Variants in DNAH14 observed in about 807,000 individuals in gnomAD.
DNAH14 encodes the protein dynein axonemal heavy chain 14.
A neutral mutation model predicts 520.9 loss-of-function variants in DNAH14; 478 were observed. The observed-to-expected ratio is 0.92, with a 90% confidence interval of 0.85 to 0.99. DNAH14 has a LOEUF of 0.99. DNAH14 is among the 50% of genes least tolerant of loss of function. DNAH14 has a pLI of 0.00. For synonymous variants in DNAH14, 1,581 were observed against 1,757.2 expected, an observed-to-expected ratio of 0.90 and a Z score of 2.51; for missense variants, 4,831 against 5,234.5, an observed-to-expected ratio of 0.92 and a Z score of 2.38.
At chr1:225,156,706 A>ATTTTTTTTT (rs1553483258) in intron 34 of DNAH14, among the ~76,000 whole-genome samples, 1 of 106,768 alleles carries the variant, frequency 9.4e-6, no homozygotes. Context: ...TCCTCTTAAA[A>ATTTTTTTTT]TTCTTTTTTT....
At chr1:225,338,379 C>T (rs1442766785) in intron 68 of DNAH14, 197 bp downstream of exon 68, 1 of 733,768 alleles carries the variant, frequency 1.4e-6, no homozygotes, top group Non-Finnish European at 2.4e-6. Flanking sequence ...TATCAAGTCA[C>T]TCCAAACCAA....
chr1:224,984,944 CAATCAAAA>C (rs2062527417), intron 8 of DNAH14, among the ~76,000 whole-genome samples: 2 of 152,008 alleles, frequency 1.3e-5, no homozygotes, highest in Admixed American at 6.6e-5. Flanking sequence ...AGAATGCCCA[CAATCAAAA>C]AATCAAAAAA....
intron 17 of DNAH14, among the ~76,000 whole-genome samples, chr1:225,074,190 G>A (rs1450463658): frequency 2.0e-5 from 3 of 151,334 alleles, no homozygotes; most frequent in East Asian, 3.9e-4. Context: ...TAGTAGAGAC[G>A]GGGTTTCACC....
intron 60 of DNAH14, among the ~76,000 whole-genome samples, chr1:225,308,998 C>A (rs2094304356): frequency 6.6e-6 from 1 of 152,176 alleles, no homozygotes; most frequent in Non-Finnish European, 1.5e-5. Flanking sequence ...CATATGTAAA[C>A]CTATACTCTA....
intron 36 of DNAH14, among the ~76,000 whole-genome samples, chr1:225,174,435 A>G (rs2083089024): frequency 6.6e-6 from 1 of 152,172 alleles, no homozygotes; most frequent in Admixed American, 6.5e-5. Context: ...TTTTGTAACT[A>G]TTATAAATGG....
At chr1:225,388,580 G>T in intron 82 of DNAH14, 89 bp downstream of exon 82, 1 of 721,802 alleles carries the variant, frequency 1.4e-6, no homozygotes, top group Non-Finnish European at 2.3e-6. Context: ...TGGTCTCCTT[G>T]GGTTCTCACA....
At chr1:225,068,079 G>C (rs2071109206) in intron 17 of DNAH14, among the ~76,000 whole-genome samples, 1 of 151,904 alleles carries the variant, frequency 6.6e-6, no homozygotes, top group Non-Finnish European at 1.5e-5. Flanking sequence ...TTATAGTTTG[G>C]GGTTTTACAT....
intron 81 of DNAH14, among the ~76,000 whole-genome samples, chr1:225,385,084 C>A (rs187583210): frequency 5.5e-4 from 83 of 152,258 alleles, no homozygotes; most frequent in Non-Finnish European, 8.5e-4. Context: ...ATACACAAAT[C>A]AATAAACGTA....
At chr1:225,148,724 T>C (rs2080197321) in intron 31 of DNAH14, among the ~76,000 whole-genome samples, 1 of 152,188 alleles carries the variant, frequency 6.6e-6, no homozygotes, top group Non-Finnish European at 1.5e-5. Context: ...TGTATGCTTG[T>C]TGCCTGCATA....
chr1:225,078,870 C>CCG (rs2072738091), intron 17 of DNAH14, among the ~76,000 whole-genome samples: 1 of 100,990 alleles, frequency 9.9e-6, no homozygotes, highest in Non-Finnish European at 1.8e-5. Flanking sequence ...CTCTCTCTCT[C>CCG]TCTCTCTCTC....
chr1:225,256,248 A>G (rs2092728622), intron 44 of DNAH14, among the ~76,000 whole-genome samples: 1 of 152,198 alleles, frequency 6.6e-6, no homozygotes, highest in Admixed American at 6.5e-5. Context: ...GTTACAAGGT[A>G]AATAATAAAA....
At chr1:225,235,969 T>G (rs1387149557) in intron 42 of DNAH14, among the ~76,000 whole-genome samples, 1 of 152,154 alleles carries the variant, frequency 6.6e-6, no homozygotes, top group African/African-American at 2.4e-5. Flanking sequence ...TTTTATTAAT[T>G]TTTTTCAAAA....
At chr1:225,337,745 A>G (rs1025373124) in intron 67 of DNAH14, among the ~76,000 whole-genome samples, 1 of 152,182 alleles carries the variant, frequency 6.6e-6, no homozygotes, top group Admixed American at 6.5e-5. Flanking sequence ...GTGGGTACAT[A>G]GTAGGTGTAT....
intron 54 of DNAH14, among the ~76,000 whole-genome samples, chr1:225,284,012 C>T (rs2093683889): frequency 1.3e-5 from 2 of 152,048 alleles, no homozygotes; most frequent in Admixed American, 6.6e-5. Context: ...TAAAGATGTT[C>T]TTTAAGAGAA....
intron 66 of DNAH14, among the ~76,000 whole-genome samples, chr1:225,335,329 A>G (rs1209964712): frequency 4.6e-5 from 5 of 108,874 alleles, no homozygotes; most frequent in Admixed American, 2.7e-4. Flanking sequence ...GCACATATAC[A>G]CGTGTGTACA....
intron 81 of DNAH14, among the ~76,000 whole-genome samples, chr1:225,387,011 G>T (rs1358693251): frequency 6.6e-6 from 1 of 152,174 alleles, no homozygotes; most frequent in Non-Finnish European, 1.5e-5. Context: ...TGATAGACTG[G>T]ATTAAGAAAA....
At chr1:225,156,662 G>T (rs1352259435) in intron 34 of DNAH14, among the ~76,000 whole-genome samples, 1 of 145,534 alleles carries the variant, frequency 6.9e-6, no homozygotes, top group Admixed American at 6.9e-5. Context: ...GGATACATGT[G>T]ATTTTATTTA....
chr1:225,343,522 A>T (rs529824501), intron 69 of DNAH14, among the ~76,000 whole-genome samples: 1 of 152,180 alleles, frequency 6.6e-6, no homozygotes, highest in Non-Finnish European at 1.5e-5. Context: ...GAGAATTTTT[A>T]AGAGAAATAA....
At chr1:225,278,937 G>A (rs541812692) in intron 54 of DNAH14, among the ~76,000 whole-genome samples, 1 of 152,172 alleles carries the variant, frequency 6.6e-6, no homozygotes, top group South Asian at 2.1e-4. Context: ...GTAAAACATG[G>A]CAAATTCCTG....
Sources: allele counts gnomAD v4.1 joint callset (sites outside exome capture counted in the v4.1 genomes callset), GRCh38; gene constraint gnomAD v4.1.1; transcripts MANE v1.5; gene names NCBI Gene and HGNC (gene_info 2026-07-23, HGNC 2026-07-21).